The following KDM4A variants were observed in gnomAD, a reference collection of about 807,000 sequenced individuals.
KDM4A encodes lysine demethylase 4A, also known as lysine-specific demethylase 4A.
KDM4A carries 23 observed loss-of-function variants against 127.1 expected under a neutral mutation model. The observed-to-expected ratio is 0.18, with a 90% CI of 0.13 to 0.26. The LOEUF is 0.26. KDM4A is among the 10% of genes least tolerant of loss of function. KDM4A has a pLI of 1.00. For synonymous variants in KDM4A, 443 were observed against 466.5 expected (o/e 0.95, Z 0.65); for missense variants, 890 against 1,329.1 (o/e 0.67, Z 5.14).
chr1:43,660,463 C>A, intron 4 of KDM4A, 51 bp downstream of exon 4: 1 of 1,545,112 alleles, frequency 6.5e-7, no homozygotes, highest in Non-Finnish European at 8.8e-7. Flanking sequence ...TTTTGTAATA[C>A]CTTTTTTTCG....
Position 43,660,332 on chromosome 1 carries a change from C to T in KDM4A, c.349C>T (p.Leu117Phe), listed in dbSNP as rs1570816992. 6.2e-7 allele frequency: 1 copy of T among 1,614,102 alleles called. No individual in the cohort carries two copies. The highest frequency in any genetic ancestry group is 1.1e-5 in the South Asian group (1 of 91,084). Reference sequence around the variant, plus strand: ...CCCACGCTATAGTGAGTTTGAAGAGCTCGAGCGGAAATACTGGAAAAATCT... The same window carrying T: ...CCCACGCTATAGTGAGTTTGAAGAGTTCGAGCGGAAATACTGGAAAAATCT... The part of the protein sequence containing the change: ...CTPRYSEFEE[L>F]ERKYWKNLTF... Residue 117 changes from leucine to phenylalanine, a missense_variant, in exon 4 of 22, where the codon CTC (leucine) becomes TTC (phenylalanine). Leu to Phe is a conservative substitution (Grantham distance 22). Coordinates refer to ENST00000372396, the MANE Select transcript of KDM4A (RefSeq NM_014663.3).
chr1:43,663,115 G>A, intron 5 of KDM4A, 28 bp downstream of exon 5: 1 of 1,592,910 alleles, frequency 6.3e-7, no homozygotes, highest in Non-Finnish European at 8.6e-7. Context: ...TCGGCACCGG[G>A]CTTCTATGCT....
chr1:43,699,252 C>T (rs1052099925), intron 19 of KDM4A, among the ~76,000 whole-genome samples: 10 of 152,098 alleles, frequency 6.6e-5, no homozygotes, highest in African/African-American at 2.2e-4. Flanking sequence ...CATGCAGTCA[C>T]ACCTGGCTAA....
Position 43,695,013 on chromosome 1 carries a change from CTAA to C in KDM4A, c.2670+121_2670+123del, listed in dbSNP as rs1329148458. Reference sequence around the variant, plus strand: ...CAAGCATTCTGCATTATGAAGAGTGCTAATGAGTTAAGAGATTGAGAGGTGGCC... The same window carrying C: ...CAAGCATTCTGCATTATGAAGAGTGCTGAGTTAAGAGATTGAGAGGTGGCC... On this transcript the variant is annotated intron_variant, in intron 18 of 21. Coordinates refer to ENST00000372396, the MANE Select transcript of KDM4A (RefSeq NM_014663.3). 3.0e-6 allele frequency: 3 copies of C among 1,007,276 alleles called. No homozygotes were observed. In the African/African-American group the frequency reaches 4.9e-5, roughly 16 times the overall value. 62.4% of individuals were successfully genotyped at this position (1,007,276 alleles called of 1,614,324 possible).
At chr1:43,698,818 TC>T (rs1389892045) in intron 19 of KDM4A, among the ~76,000 whole-genome samples, 11 of 152,336 alleles carry the variant, frequency 7.2e-5, no homozygotes, top group African/African-American at 2.4e-4. Flanking sequence ...AGACAGGGTT[TC>T]ACTCTGACGC....
At chr1:43,674,157 G>C (rs1000459942) in intron 11 of KDM4A, among the ~76,000 whole-genome samples, 7 of 152,132 alleles carry the variant, frequency 4.6e-5, no homozygotes, top group Non-Finnish European at 1.0e-4. Context: ...TGCCCAGACT[G>C]GTCTCGAAAT....
At chr1:43,679,572 T>G (rs1399182247) in intron 11 of KDM4A, among the ~76,000 whole-genome samples, 3 of 152,164 alleles carry the variant, frequency 2.0e-5, no homozygotes, top group African/African-American at 7.2e-5. Flanking sequence ...CTGTTCAGTT[T>G]CCATGCCACC....
chr1:43,688,117 AG>A lies in KDM4A; in HGVS notation c.1856-795del, dbSNP rs1373545369. On this transcript the variant is annotated intron_variant, in intron 12 of 21. Coordinates refer to ENST00000372396, the MANE Select transcript of KDM4A (RefSeq NM_014663.3). This position sits in a 1 kb window ranked among gnomAD's most constrained non-coding sequence, Gnocchi z 4.4. ...AAGCTACTTGGGCAGCTGTGATGGG[AG>A]GATCACTTGAGCCCAGGAGTTTGAG... Among the ~76,000 whole-genome samples, 3 of 151,788 alleles carry A rather than the reference AG, an allele frequency of 2.0e-5. No homozygotes were observed. The highest frequency in any genetic ancestry group is 6.6e-5 in the Admixed American group (1 of 15,230).
intron 19 of KDM4A, among the ~76,000 whole-genome samples, chr1:43,698,587 C>A (rs539038125): frequency 2.2e-4 from 34 of 152,262 alleles, no homozygotes; most frequent in African/African-American, 8.2e-4. Context: ...TTTCCCCTAC[C>A]CCCACCTTGC....
chr1:43,655,778 C>A lies in KDM4A; in HGVS notation c.314+12C>A, dbSNP rs1397935523. The A allele has an allele frequency of 6.3e-7, 1 of 1,598,104 alleles. No homozygotes were observed. Among genetic ancestry groups the A allele is most frequent in the African/African-American group, 1.3e-5 (1 of 74,616 alleles). ...GCCAATAGCGATAAGTGAGTGGAAA[C>A]CCTTTCTTACCTGACATAGCACCTA... On this transcript the variant is annotated intron_variant, in intron 3 of 21. Coordinates refer to ENST00000372396, the MANE Select transcript of KDM4A (RefSeq NM_014663.3).
intron 7 of KDM4A, 51 bp from the exon 8 acceptor site, chr1:43,666,903 C>G (rs1660512066): frequency 6.3e-7 from 1 of 1,588,836 alleles, no homozygotes. Flanking sequence ...AATTCCAGTT[C>G]TGTGGACTTC....
chr1:43,670,720 C>T (rs938786474), intron 10 of KDM4A, among the ~76,000 whole-genome samples: 7 of 152,164 alleles, frequency 4.6e-5, no homozygotes, highest in African/African-American at 1.4e-4. Context: ...CTTGCTACCA[C>T]GCTGGCTGAT....
chr1:43,656,724 A>G (rs1053159626), intron 3 of KDM4A, among the ~76,000 whole-genome samples: 6 of 137,764 alleles, frequency 4.4e-5, no homozygotes, highest in Non-Finnish European at 9.4e-5. Context: ...AGCTCTGACT[A>G]CTCCATCTTT....
At chr1:43,697,029 G>A (rs1661256420) in intron 18 of KDM4A, among the ~76,000 whole-genome samples, 1 of 152,232 alleles carries the variant, frequency 6.6e-6, no homozygotes, top group African/African-American at 2.4e-5. Flanking sequence ...AGTCAGATAA[G>A]GGGAATGGAA....
At chr1:43,690,043 T>C (rs941989924) in intron 13 of KDM4A, among the ~76,000 whole-genome samples, 1 of 152,248 alleles carries the variant, frequency 6.6e-6, no homozygotes, top group African/African-American at 2.4e-5. Context: ...GGAATGGAGA[T>C]GCAGGTGCCA....
Position 43,672,005 on chromosome 1 carries a change from C to CT in KDM4A, c.1734+130_1734+131insT, listed in dbSNP as rs1660630772. The CT allele has an allele frequency of 1.4e-5, 14 of 1,025,832 alleles. No homozygotes were observed. In the South Asian group the frequency reaches 3.5e-4, roughly 25 times the overall value. The allele number at this position is 1,025,832 out of a possible 1,614,324, so 63.5% of individuals were successfully genotyped here. On this transcript the variant is annotated intron_variant, in intron 11 of 21. Transcript: ENST00000372396. ...GCTGCAGGAGGGCAGGAGAGACCCT[C>CT]AGTCAGTGCCTCTAGCCAGCAGTGG...
At chr1:43,657,098 G>A (rs906435251) in intron 3 of KDM4A, among the ~76,000 whole-genome samples, 2 of 151,862 alleles carry the variant, frequency 1.3e-5, no homozygotes. Flanking sequence ...TTGCTGCCCA[G>A]TTTGGTCTTG....
intron 13 of KDM4A, among the ~76,000 whole-genome samples, chr1:43,689,967 C>G (rs1661071322): frequency 6.6e-6 from 1 of 152,250 alleles, no homozygotes; most frequent in Admixed American, 6.5e-5. Flanking sequence ...ATAAGCAGAT[C>G]TACTAAGTAG....
rs766764335 is a variant in KDM4A at position 43,653,245 on chromosome 1, T to C, written c.70T>C (p.Phe24Leu). Reference protein sequence around the residue: ...IMTFYPTMEEFRNFSRYIAYI... With the variant: ...IMTFYPTMEELRNFSRYIAYI... ...GACCTTTTATCCAACTATGGAAGAG[T>C]TCCGAAACTTCAGTAGATACATTGC... The change falls in exon 2 of 22, where the codon TTC becomes CTC. Residue 24 changes from phenylalanine (F) to leucine (L), a missense_variant. Physicochemically the swap from Phe to Leu is conservative, Grantham distance 22. Around this residue, in one of 7 missense-constraint regions of KDM4A, gnomAD observed 35 missense variants for 27.7 expected, o/e 1.26. Coordinates refer to ENST00000372396, the MANE Select transcript of KDM4A (RefSeq NM_014663.3). 6.2e-7 allele frequency: 1 copy of C among 1,613,934 alleles called. No homozygotes were observed. The highest frequency in any genetic ancestry group is 1.3e-5 in the African/African-American group (1 of 74,998).
Sources: gnomAD v4.1 joint callset for allele counts (sites outside exome capture counted in the v4.1 genomes callset) on GRCh38, gnomAD v4.1.1 for gene constraint, gnomAD v4.1.1 regional missense constraint, Gnocchi (gnomAD v3.1) non-coding constraint, MANE v1.5 for transcripts, NCBI Gene and HGNC (gene_info 2026-07-23, HGNC 2026-07-21) for gene names.